Variants in HNMT observed in about 807,000 individuals in gnomAD.
The protein encoded by HNMT is histamine N-methyltransferase.
In HNMT, 30 loss-of-function variants were observed where a neutral mutation model predicts 32.1. The ratio of observed to expected loss-of-function variants is 0.93; its 90% CI spans 0.70 to 1.27. The LOEUF (loss-of-function observed/expected upper bound fraction) is 1.27. HNMT is among the 50% of genes most tolerant of loss of function. The pLI is 0.00. For synonymous variants in HNMT, 125 were observed against 119.0 expected (o/e 1.05, Z -0.33); for missense variants, 327 against 346.0 (o/e 0.95, Z 0.43).
In HNMT at chr2:138,000,919, T is replaced by A. The variant is rs577389091; in HGVS notation, c.192T>A (p.Gly64=). The A allele has an allele frequency of 6.4e-7, 1 of 1,572,508 alleles. No homozygotes were observed. Among genetic ancestry groups the A allele is most frequent in the South Asian group, 1.1e-5 (1 of 88,148 alleles). Residue 64 remains glycine, a splice_region_variant and synonymous_variant, in exon 3 of 6, where the codon GGT becomes GGA. Coordinates refer to ENST00000280097, the MANE Select transcript of HNMT (RefSeq NM_006895.3). ...CTGTCCCATATGTTTATCTTCTAGG[T>A]GAAATTGATCTTCAAATTCTCTCCA... ...IKILSIGGGA[G]EIDLQILSKV...
intron 2 of HNMT, among the ~76,000 whole-genome samples, chr2:137,974,287 C>A (rs144561980): frequency 3.9e-5 from 6 of 152,178 alleles, no homozygotes; most frequent in Admixed American, 2.6e-4. Context: ...TTGAAGTATT[C>A]ATGTTGTTAA....
rs547482634 is a variant in HNMT, at chr2:137,982,278, G to C, written c.190+12061G>C. The stretch of plus-strand genomic sequence containing the variant: ...TCAGGGAGTGGAGAATAGGTGTCTG[G>C]AAAATGAGACACTGCTTTTCTTTGT... On this transcript the variant is annotated intron_variant, in intron 2 of 5. Coordinates refer to ENST00000280097, the MANE Select transcript of HNMT (RefSeq NM_006895.3). 4.6e-5 allele frequency among the ~76,000 whole-genome samples: 7 copies of C among 152,238 alleles called. No individual in the cohort carries two copies. In the East Asian group the frequency reaches 1.4e-3, roughly 29 times the overall value.
At chr2:137,990,691 A>G (rs1057242350) in intron 2 of HNMT, among the ~76,000 whole-genome samples, 1 of 152,192 alleles carries the variant, frequency 6.6e-6, no homozygotes, top group East Asian at 1.9e-4. Flanking sequence ...GGATATGTAT[A>G]TATACCCACA....
In HNMT at chr2:138,001,026, G is replaced by C; in HGVS notation, c.298+1G>C. 1.3e-6 allele frequency: 2 copies of C among 1,561,314 alleles called. No homozygotes were observed. The highest frequency in any genetic ancestry group is 2.3e-5 in the East Asian group (1 of 44,112). On this transcript the variant is annotated splice_donor_variant, in intron 3 of 5. Transcript: ENST00000280097. LOFTEE classifies it high-confidence loss of function. ...GCTGAACAAATTGCCAAATACAAAG[G>C]TACCTGTAACTCCTGGTCCTCTACA... is the stretch of plus-strand genomic sequence containing the variant.
chr2:137,976,169 T>C (rs1573646401), intron 2 of HNMT, among the ~76,000 whole-genome samples: 1 of 150,224 alleles, frequency 6.7e-6, no homozygotes, highest in Non-Finnish European at 1.5e-5. Flanking sequence ...GGGAGGCTGA[T>C]GCAGGAGAAT....
chr2:138,002,001 T>C, intron 3 of HNMT, 63 bp from the exon 4 acceptor site: 1 of 1,304,850 alleles, frequency 7.7e-7, no homozygotes, highest in Non-Finnish European at 1.0e-6. Context: ...AAATTCTAAA[T>C]GGAAATGGTT....
intron 2 of HNMT, among the ~76,000 whole-genome samples, chr2:137,972,067 G>T (rs1325670776): frequency 6.6e-6 from 1 of 151,974 alleles, no homozygotes; most frequent in African/African-American, 2.4e-5. Flanking sequence ...ATAACTAAGA[G>T]CTCTCTAATG....
rs373163908 is a variant in HNMT, at chr2:137,967,120, T to G, written c.137+2492T>G. The G allele has an allele frequency of 3.8e-6, 3 of 780,036 alleles. No individual in the cohort carries two copies. The African/African-American group carries it at 5.1e-5, about 13-fold the overall frequency. 48.3% of individuals were successfully genotyped at this position (780,036 alleles called of 1,614,324 possible). ...AGATACCAGAATTGCTGTTAACAAA[T>G]AAAATACTGGCCAGATGTGTTGGTT... On this transcript the variant is annotated intron_variant, in intron 1 of 5. Coordinates refer to ENST00000280097, the MANE Select transcript of HNMT (RefSeq NM_006895.3).
chr2:137,980,356 G>A (rs1202712661), intron 2 of HNMT, among the ~76,000 whole-genome samples: 1 of 152,108 alleles, frequency 6.6e-6, no homozygotes, highest in Non-Finnish European at 1.5e-5. Context: ...TTTTATACCT[G>A]TGCAAATATT....
chr2:137,990,107 A>G (rs141783272), intron 2 of HNMT, among the ~76,000 whole-genome samples: 254 of 152,272 alleles, frequency 1.7e-3, no homozygotes, highest in African/African-American at 5.9e-3. Context: ...CAGCTTATTA[A>G]TTACTTATTT....
intron 1 of HNMT, 104 bp downstream of exon 1, chr2:137,964,732 G>C (rs1679901684): frequency 3.5e-6 from 4 of 1,136,532 alleles, no homozygotes; most frequent in Non-Finnish European, 5.2e-6. Context: ...CAGGGATAAG[G>C]GCGAATTACT....
chr2:137,981,422 T>C, intron 2 of HNMT: 2 of 1,511,606 alleles, frequency 1.3e-6, no homozygotes, highest in South Asian at 1.1e-5. Context: ...ATCTTTTCCA[T>C]GAAGCCTACT....
At chr2:137,967,150 C>T (rs1291309825) in intron 1 of HNMT, 1 of 776,782 alleles carries the variant, frequency 1.3e-6, no homozygotes, top group South Asian at 1.3e-5. Flanking sequence ...TTGGTTCACG[C>T]CTGTAATCCT....
chr2:137,998,018 G>A (rs531294965), intron 2 of HNMT, among the ~76,000 whole-genome samples: 1 of 152,186 alleles, frequency 6.6e-6, no homozygotes, highest in Admixed American at 6.5e-5. Context: ...GGGCCTGTTG[G>A]GGGTTGGGGT....
intron 2 of HNMT, among the ~76,000 whole-genome samples, chr2:137,987,338 T>C (rs948910907): frequency 3.3e-5 from 5 of 152,170 alleles, no homozygotes; most frequent in African/African-American, 1.2e-4. Flanking sequence ...GGATCTCAAG[T>C]TTAAGATTCC....
intron 5 of HNMT, among the ~76,000 whole-genome samples, chr2:138,005,651 G>A (rs1367585028): frequency 6.6e-6 from 1 of 151,814 alleles, no homozygotes; most frequent in Non-Finnish European, 1.5e-5. Context: ...TAATTGACTT[G>A]CATTCTTAGA....
chr2:137,981,298 A>G lies in HNMT; in HGVS notation c.190+11081A>G, dbSNP rs1680489697. 6.2e-6 allele frequency: 10 copies of G among 1,613,650 alleles called. No homozygotes were observed. The East Asian group carries it at 2.2e-4, about 36-fold the overall frequency. ...GTAGCACCCGTCAGAAAGACAAGCC[A>G]GGCATGAGGATCCATGATGAGCGCT... is the stretch of plus-strand genomic sequence containing the variant. On this transcript the variant is annotated intron_variant, in intron 2 of 5. Transcript: ENST00000280097.
At chr2:138,002,494 C>A in intron 4 of HNMT, 1 of 439,346 alleles carries the variant, frequency 2.3e-6, no homozygotes, top group Non-Finnish European at 3.0e-6. Flanking sequence ...GTCATCCAGG[C>A]TGGAGTGCGG....
At chr2:137,978,179 T>G (rs972662150) in intron 2 of HNMT, among the ~76,000 whole-genome samples, 1 of 151,796 alleles carries the variant, frequency 6.6e-6, no homozygotes, top group Non-Finnish European at 1.5e-5. Flanking sequence ...GCACAAAAAT[T>G]TATGGCTCAT....
Sources: allele counts gnomAD v4.1 joint callset (sites outside exome capture counted in the v4.1 genomes callset), GRCh38; gene constraint gnomAD v4.1.1; transcripts MANE v1.5; gene names NCBI Gene and HGNC (gene_info 2026-07-23, HGNC 2026-07-21).